The following HUWE1 variants were observed in gnomAD, a reference collection of about 807,000 sequenced individuals.
The protein encoded by HUWE1 is E3 ubiquitin-protein ligase HUWE1.
Under a neutral mutation model 299.4 loss-of-function variants are expected in HUWE1, and 18 were observed. That is an observed-to-expected ratio of 0.06 (90% CI 0.04 to 0.09). The LOEUF (loss-of-function observed/expected upper bound fraction) is 0.09, where lower values mean the gene tolerates loss of function less well. Ranked by LOEUF, HUWE1 falls within the 10% of genes least tolerant of loss-of-function variation. The pLI is 1.00. For synonymous variants in HUWE1, 1,317 were observed against 1,286.1 expected (o/e 1.02, Z -0.51); for missense variants, 1,832 against 3,462.3 (o/e 0.53, Z 11.82).
At chrX:53,614,446 T>C in intron 23 of HUWE1, 88 bp downstream of exon 23, 1 of 689,533 alleles carries the variant, frequency 1.5e-6, no homozygotes, top group Non-Finnish European at 2.4e-6. Context: ...CTCTTGCTTT[T>C]TATAGATGAA....
At position 53,535,447 on chromosome X, in the gene HUWE1, T is replaced by C; in HGVS notation, c.12586A>G (p.Ile4196Val). The change falls in exon 81 of 84, where the codon ATC (isoleucine) becomes GTC (valine). Residue 4196 changes from isoleucine (I) to valine (V), a missense_variant. Around this residue, in one of 15 missense-constraint regions of HUWE1, gnomAD observed 129 missense variants for 439.4 expected, o/e 0.29. Transcript: ENST00000262854. ...TTCTTATTCTCCTCTGTTACCAAGA[T>C]GTTGGCCCCATTGGGTTTGAGGTCA... Reference protein sequence around the residue: ...VRDLKPNGANILVTEENKKEY... With the variant: ...VRDLKPNGANVLVTEENKKEY... 1.7e-6 allele frequency: 2 copies of C among 1,210,299 alleles called. No homozygotes were observed. Among genetic ancestry groups the C allele is most frequent in the Non-Finnish European group, 2.2e-6 (2 of 894,207 alleles).
intron 49 of HUWE1, among the ~76,000 whole-genome samples, chrX:53,568,315 T>A (rs782110654): frequency 9.0e-6 from 1 of 111,425 alleles, no homozygotes; most frequent in African/African-American, 3.3e-5. Flanking sequence ...AAAGAATACA[T>A]TATTTATGCA....
At chrX:53,568,130 G>A (rs2062656992) in intron 49 of HUWE1, among the ~76,000 whole-genome samples, 1 of 112,039 alleles carries the variant, frequency 8.9e-6, no homozygotes, top group South Asian at 3.7e-4. Flanking sequence ...ATAGCCAGAT[G>A]TAATACAAGT....
chrX:53,559,418 G>A lies in HUWE1; in HGVS notation c.7851C>T (p.Ala2617=). The A allele has an allele frequency of 8.3e-7, 1 of 1,210,485 alleles. No homozygotes were observed. Residue 2617 remains alanine, a synonymous_variant, in exon 57 of 84, where the codon GCC becomes GCT. Coordinates refer to ENST00000262854, the MANE Select transcript of HUWE1 (RefSeq NM_031407.7). ...CATCCAGCAGCTCATCATCAGAACGGGCGATGATGTGGACGTCATCGTTGC... is the reference window on the plus strand; with the variant it reads ...CATCCAGCAGCTCATCATCAGAACGAGCGATGATGTGGACGTCATCGTTGC... ...LVGNDDVHII[A]RSDDELLDDF...
chrX:53,602,682 A>G (rs2064927666), intron 27 of HUWE1, 24 bp from the exon 28 acceptor site: 1 of 794,527 alleles, frequency 1.3e-6, no homozygotes, highest in African/African-American at 2.1e-5. Flanking sequence ...AATGCTGAGC[A>G]AAAGAAATAT....
intron 3 of HUWE1, among the ~76,000 whole-genome samples, chrX:53,667,496 C>T (rs2069305015): frequency 9.0e-6 from 1 of 111,241 alleles, no homozygotes; most frequent in African/African-American, 3.3e-5. Flanking sequence ...AACACAAAGC[C>T]CGTTTTATAA....
chrX:53,642,027 T>C (rs1219857775), intron 7 of HUWE1, among the ~76,000 whole-genome samples: 1 of 111,248 alleles, frequency 9.0e-6, no homozygotes, highest in African/African-American at 3.3e-5. Context: ...ACACACACAT[T>C]TTTTCCCTAT....
At chrX:53,589,208 C>T (rs953404570) in intron 36 of HUWE1, among the ~76,000 whole-genome samples, 4 of 111,941 alleles carry the variant, frequency 3.6e-5, no homozygotes, top group Non-Finnish European at 7.5e-5. Context: ...AAGTATTCAT[C>T]AGGATGGGGA....
Position 53,532,146 on chromosome X carries a change from A to G in HUWE1, c.*1163T>C, listed in dbSNP as rs1453590519. On this transcript the variant is annotated 3_prime_UTR_variant, in exon 84 of 84. Coordinates refer to ENST00000262854, the MANE Select transcript of HUWE1 (RefSeq NM_031407.7). ...TTTTATTAAATTATTTTTTCTTTGA[A>G]GGCTGGAACCATCGAAGTCCTTAGA... 9.0e-6 allele frequency: 1 copy of G among 111,369 alleles called. No homozygotes were observed. Among genetic ancestry groups the G allele is most frequent in the Non-Finnish European group, 1.9e-5 (1 of 53,115 alleles). The allele number at this position is 111,369 out of a possible 1,213,427, so 9.2% of individuals were successfully genotyped here.
rs782312615 is a variant in HUWE1, at chrX:53,597,386, CAGA to C, written c.3164-1986_3164-1984del. 2.5e-4 allele frequency among the ~76,000 whole-genome samples: 26 copies of C among 103,553 alleles called. 1 individual carries two copies. Among genetic ancestry groups the C allele is most frequent in the African/African-American group, 7.8e-4 (22 of 28,341 alleles). 89.9% of individuals were successfully genotyped at this position (103,553 alleles called of 115,157 possible). A position where few individuals can be genotyped will look rare whatever the true frequency, so the allele number is the denominator to read the frequency against. ...TTTATTAGTAAGGAATAGAAGTGAG[CAGA>C]AGGATTTAAGGCAGGAAGGGACAGA... On this transcript the variant is annotated intron_variant, in intron 29 of 83. Coordinates refer to ENST00000262854, the MANE Select transcript of HUWE1 (RefSeq NM_031407.7).
At chrX:53,565,833 T>C (rs781873312) in intron 49 of HUWE1, among the ~76,000 whole-genome samples, 2 of 109,557 alleles carry the variant, frequency 1.8e-5, no homozygotes, top group South Asian at 4.0e-4. Flanking sequence ...GGTTTCGCCA[T>C]GTTGCTCATG....
intron 15 of HUWE1, among the ~76,000 whole-genome samples, chrX:53,628,193 A>C (rs1441374633): frequency 9.0e-6 from 1 of 111,086 alleles, no homozygotes; most frequent in Non-Finnish European, 1.9e-5. Context: ...ACCCTGACAT[A>C]TATTTTCCCT....
chrX:53,577,783 C>G (rs1295861454), intron 43 of HUWE1, among the ~76,000 whole-genome samples: 1 of 114,849 alleles, frequency 8.7e-6, no homozygotes, highest in African/African-American at 3.1e-5. Flanking sequence ...CTCGGCCTCC[C>G]GAGGCGCCGG....
Position 53,536,159 on chromosome X carries a change from G to A in HUWE1, c.12519C>T (p.Thr4173=), listed in dbSNP as rs782019798. ...NDVSTLGYDL[T]FSTEVQEFGV... The stretch of plus-strand genomic sequence containing the variant: ...TTTCCTGACCTACCTCAGTGCTGAA[G>A]GTGAGGTCATAGCCTAGTGTGGAGA... Residue 4173 remains threonine (T), a synonymous_variant, in exon 80 of 84, where the codon ACC becomes ACT. Transcript: ENST00000262854. The A allele has an allele frequency of 2.5e-6, 3 of 1,180,779 alleles. No homozygotes were observed. The highest frequency in any genetic ancestry group is 3.5e-6 in the Non-Finnish European group (3 of 869,435).
At chrX:53,578,580 G>C in intron 43 of HUWE1, among the ~76,000 whole-genome samples, 1 of 96,125 alleles carries the variant, frequency 1.0e-5, no homozygotes, top group South Asian at 5.1e-4. Flanking sequence ...GGAGGGGGGA[G>C]GGGGGGTCAG....
intron 23 of HUWE1, among the ~76,000 whole-genome samples, chrX:53,611,481 T>G (rs1316735794): frequency 1.8e-5 from 2 of 111,937 alleles, no homozygotes; most frequent in Non-Finnish European, 3.8e-5. Flanking sequence ...CATAATAATA[T>G]GATGACAGAA....
In HUWE1 at chrX:53,604,761, G is replaced by A. The variant is rs782526786; in HGVS notation, c.2570C>T (p.Pro857Leu). ...QLDSILSSLE[P>L]LHRPIESPGG... ...AGGGGATTCAATGGGGCGGTGTAAG[G>A]GCTCCAGGGAGGAGAGGATGGAGTC... The change falls in exon 26 of 84, where the codon CCC (proline) becomes CTC (leucine). Residue 857 changes from proline (P) to leucine (L), a missense_variant. Physicochemically the swap from Pro to Leu is moderately conservative, Grantham distance 98. Coordinates refer to ENST00000262854, the MANE Select transcript of HUWE1 (RefSeq NM_031407.7). 87 of 1,209,715 alleles carry A rather than the reference G, an allele frequency of 7.2e-5. No homozygotes were observed. The highest frequency in any genetic ancestry group is 9.5e-5 in the Non-Finnish European group (85 of 894,652).
In HUWE1 at chrX:53,543,961, G is replaced by A; in HGVS notation, c.11259C>T (p.Ser3753=). The A allele has an allele frequency of 2.5e-6, 3 of 1,201,456 alleles. No homozygotes were observed. Among genetic ancestry groups the A allele is most frequent in the Non-Finnish European group, 2.2e-6 (2 of 889,145 alleles). ...KAKQTGRLGS[S]GLGSASSIQA... ...GGATGCTGCTAGCTGAGCCTAAACC[G>A]GAGGAACCTGGGAGAAAGAGAAAGA... The change falls in exon 73 of 84, where the codon TCC becomes TCT. Residue 3753 remains serine (S), a synonymous_variant. Coordinates refer to ENST00000262854, the MANE Select transcript of HUWE1 (RefSeq NM_031407.7).
chrX:53,603,757 A>T (rs1381645870), intron 26 of HUWE1, among the ~76,000 whole-genome samples: 3 of 111,689 alleles, frequency 2.7e-5, no homozygotes, highest in Non-Finnish European at 5.7e-5. Flanking sequence ...ATCAGAGGCT[A>T]CTCTTTTTTT....
Sources: gnomAD v4.1 joint callset for allele counts (sites outside exome capture counted in the v4.1 genomes callset) on GRCh38, gnomAD v4.1.1 for gene constraint, gnomAD v4.1.1 regional missense constraint, MANE v1.5 for transcripts, NCBI Gene and HGNC (gene_info 2026-07-23, HGNC 2026-07-21) for gene names.